ANKRD30B: variants seen among roughly 807,000 people sequenced by gnomAD.
The protein encoded by ANKRD30B is ankyrin repeat domain 30B.
In ANKRD30B, 144 loss-of-function variants were observed where a neutral mutation model predicts 202.2. The ratio of observed to expected loss-of-function variants is 0.71; its 90% confidence interval spans 0.62 to 0.82. The LOEUF (loss-of-function observed/expected upper bound fraction) is 0.82. Ranked by LOEUF, ANKRD30B falls within the 40% of genes least tolerant of loss-of-function variation. The pLI, the probability that ANKRD30B is intolerant of heterozygous loss-of-function variation, is 0.00. For missense variants in ANKRD30B, 1,487 were observed against 1,669.1 expected, an observed-to-expected ratio of 0.89 and a Z score of 1.90; for synonymous variants, 508 against 561.3, an observed-to-expected ratio of 0.91 and a Z score of 1.34.
the ANKRD30B span, among the ~76,000 whole-genome samples, chr18:14,907,773 TG>T: frequency 1.3e-5 from 2 of 152,168 alleles, no homozygotes; most frequent in Admixed American, 6.5e-5. Context: ...CTTCCAGATC[TG>T]GCTTCCCCCT....
the ANKRD30B span, among the ~76,000 whole-genome samples, chr18:14,933,382 G>A: frequency 6.6e-6 from 1 of 152,316 alleles, no homozygotes; most frequent in African/African-American, 2.4e-5. Flanking sequence ...GCCATCAAGG[G>A]GACAGCAGCA....
the ANKRD30B span, among the ~76,000 whole-genome samples, chr18:14,904,921 C>T: frequency 6.6e-6 from 1 of 152,152 alleles, no homozygotes; most frequent in Non-Finnish European, 1.5e-5. Context: ...GTTAGGCATT[C>T]TTAAACTCAC....
At chr18:14,771,414 T>C in intron 8 of ANKRD30B, among the ~76,000 whole-genome samples, 1 of 152,180 alleles carries the variant, frequency 6.6e-6, no homozygotes. Flanking sequence ...TGAAGATTTT[T>C]AAGGCTTTGC....
At chr18:14,821,372 G>T (rs1379101217) in intron 30 of ANKRD30B, among the ~76,000 whole-genome samples, 1 of 151,886 alleles carries the variant, frequency 6.6e-6, no homozygotes, top group Non-Finnish European at 1.5e-5. Flanking sequence ...CTTCAGTTCT[G>T]CTCTGATTTT....
chr18:14,839,754 A>T (rs1250849209), intron 36 of ANKRD30B, among the ~76,000 whole-genome samples: 5 of 152,092 alleles, frequency 3.3e-5, no homozygotes, highest in Non-Finnish European at 7.4e-5. Context: ...AAAGATGTAA[A>T]ATTATTTTCA....
the ANKRD30B span, among the ~76,000 whole-genome samples, chr18:14,907,149 G>C: frequency 6.6e-6 from 1 of 152,108 alleles, no homozygotes; most frequent in South Asian, 2.1e-4. Flanking sequence ...TGATGTTAAT[G>C]CTGGAGAGTA....
chr18:14,796,842 G>A (rs763361978), intron 18 of ANKRD30B, among the ~76,000 whole-genome samples: 1 of 151,724 alleles, frequency 6.6e-6, no homozygotes, highest in Non-Finnish European at 1.5e-5. Context: ...AGGGATTTAG[G>A]GTCATTTGAT....
chr18:14,851,371 T>A (rs1970446), intron 41 of ANKRD30B, 138 bp from the exon 42 acceptor site: 2 of 823,898 alleles, frequency 2.4e-6, no homozygotes, highest in Non-Finnish European at 1.7e-6. Context: ...GAAGTTTTGA[T>A]TCAATGGTTC....
At chr18:14,788,629 G>A (rs1334909451) in intron 15 of ANKRD30B, among the ~76,000 whole-genome samples, 1 of 151,770 alleles carries the variant, frequency 6.6e-6, no homozygotes, top group African/African-American at 2.4e-5. Context: ...CCACCTATGA[G>A]TGAGAATATG....
At position 14,808,752 on chromosome 18, in the gene ANKRD30B, T is replaced by C; in HGVS notation, c.2386+8T>C. ...GAGAAACACTCAAAGCAGGTAAATT[T>C]TGTAATTTAAATTTTAATCTGGAAT... is the stretch of plus-strand genomic sequence containing the variant. On this transcript the variant is annotated splice_region_variant and intron_variant, in intron 26 of 43. Transcript: ENST00000690538. 2 of 1,444,790 alleles carry C rather than the reference T, an allele frequency of 1.4e-6. No individual in the cohort carries two copies. The highest frequency in any genetic ancestry group is 1.9e-6 in the Non-Finnish European group (2 of 1,070,008). The allele number at this position is 1,444,790 out of a possible 1,614,324, so 89.5% of individuals were successfully genotyped here. A position where few individuals can be genotyped will look rare whatever the true frequency, so the allele number is the denominator to read the frequency against.
At chr18:14,930,481 A>G in the ANKRD30B span, among the ~76,000 whole-genome samples, 85 of 152,308 alleles carry the variant, frequency 5.6e-4, no homozygotes, top group Admixed American at 9.8e-4. Context: ...CATCCCTGTA[A>G]GAAAACTAAA....
chr18:14,809,490 C>T (rs1460948950), intron 26 of ANKRD30B, among the ~76,000 whole-genome samples: 1 of 150,678 alleles, frequency 6.6e-6, no homozygotes, highest in Non-Finnish European at 1.5e-5. Context: ...AGAGCCATGG[C>T]GAGATGAGGG....
In ANKRD30B at chr18:14,752,875, C is replaced by G. The variant is rs747513542; in HGVS notation, c.373C>G (p.Leu125Val). Residue 125 changes from leucine (L) to valine (V), a missense_variant, in exon 3 of 44, where the codon CTC becomes GTC. Physicochemically the swap from Leu to Val is conservative, Grantham distance 32. Around this residue, in one of 6 missense-constraint regions of ANKRD30B, gnomAD observed 889 missense variants for 841.4 expected, o/e 1.06. Coordinates refer to ENST00000690538, the MANE Select transcript of ANKRD30B (RefSeq NM_001367607.2). The part of the protein sequence containing the change: ...QCEREACANI[L>V]IDAGADLNYV... ...CGAGAGGGAGGCTTGTGCAAATATTCTCATAGATGCTGGTGCTGATCTAAA... is the reference window on the plus strand; with the variant it reads ...CGAGAGGGAGGCTTGTGCAAATATTGTCATAGATGCTGGTGCTGATCTAAA... 6.2e-7 allele frequency: 1 copy of G among 1,609,688 alleles called. No homozygotes were observed. Among genetic ancestry groups the G allele is most frequent in the Non-Finnish European group, 8.5e-7 (1 of 1,177,608 alleles).
At chr18:14,841,073 A>T (rs1861450565) in intron 37 of ANKRD30B, among the ~76,000 whole-genome samples, 2 of 152,202 alleles carry the variant, frequency 1.3e-5, no homozygotes, top group South Asian at 4.1e-4. Context: ...GTGACCTCCC[A>T]TTACCAAAAT....
chr18:14,850,319 A>G lies in ANKRD30B; in HGVS notation c.3501A>G (p.Gln1167=), dbSNP rs560627713. The change falls in exon 41 of 44, where the codon CAA becomes CAG. Residue 1167 remains glutamine, a synonymous_variant. Coordinates refer to ENST00000690538, the MANE Select transcript of ANKRD30B (RefSeq NM_001367607.2). ...GGAAAAAGTTAGAAGTGAAACAACA[A>G]CTTGAACAGACTCTCAGAATACAAG... ...QLRKKLEVKQ[Q]LEQTLRIQDI... The G allele has an allele frequency of 2.5e-6, 4 of 1,592,192 alleles. No individual in the cohort carries two copies. The highest frequency in any genetic ancestry group is 1.7e-4 in the Middle Eastern group (1 of 6,006).
At chr18:14,843,601 C>T (rs1971513419) in intron 39 of ANKRD30B, among the ~76,000 whole-genome samples, 1 of 124,486 alleles carries the variant, frequency 8.0e-6, no homozygotes, top group Admixed American at 8.2e-5. Context: ...GTGGTGTGCA[C>T]GTTTGTGCCT....
chr18:14,815,484 TC>T (rs1338795544), intron 30 of ANKRD30B, among the ~76,000 whole-genome samples: 3 of 152,102 alleles, frequency 2.0e-5, no homozygotes, highest in East Asian at 3.9e-4. Context: ...GAGAGGCCTT[TC>T]ATGGGAAAAA....
chr18:14,848,707 T>C lies in ANKRD30B; in HGVS notation c.3182-9T>C. The C allele has an allele frequency of 6.6e-7, 1 of 1,508,670 alleles. No individual in the cohort carries two copies. Among genetic ancestry groups the C allele is most frequent in the South Asian group, 1.3e-5 (1 of 75,910 alleles). 93.5% of individuals were successfully genotyped at this position (1,508,670 alleles called of 1,614,324 possible). A position where few individuals can be genotyped will look rare whatever the true frequency, so the allele number is the denominator to read the frequency against. On this transcript the variant is annotated splice_polypyrimidine_tract_variant and intron_variant, in intron 39 of 43. Coordinates refer to ENST00000690538, the MANE Select transcript of ANKRD30B (RefSeq NM_001367607.2). ...AATATATTTTATTTCTATCTCCTCC[T>C]TGAGACAGATTCAACTACCCTATCA...
intron 7 of ANKRD30B, among the ~76,000 whole-genome samples, chr18:14,768,934 T>C (rs1916677693): frequency 6.6e-6 from 1 of 152,226 alleles, no homozygotes; most frequent in Non-Finnish European, 1.5e-5. Context: ...TATTTTTCCG[T>C]GCATTTGAGA....
Sources: allele counts gnomAD v4.1 joint callset (sites outside exome capture counted in the v4.1 genomes callset), GRCh38; gene constraint gnomAD v4.1.1; regional missense constraint gnomAD v4.1.1; transcripts MANE v1.5; gene names NCBI Gene and HGNC (gene_info 2026-07-23, HGNC 2026-07-21).